Variants in SENP7 observed in about 807,000 individuals in gnomAD.
The protein encoded by SENP7 is SUMO specific peptidase 7.
Under a neutral mutation model 141.2 loss-of-function variants are expected in SENP7, and 64 were observed. That is an observed-to-expected ratio of 0.45 (90% CI 0.37 to 0.56). The LOEUF (loss-of-function observed/expected upper bound fraction) is 0.56. SENP7 is among the 20% of genes least tolerant of loss of function. SENP7 has a pLI of 0.00. For missense variants in SENP7, 1,025 were observed against 1,212.2 expected (o/e 0.85, Z 2.29); for synonymous variants, 382 against 426.4 (o/e 0.90, Z 1.28).
Position 101,332,776 on chromosome 3 carries a change from T to A in SENP7, c.2567A>T (p.Asn856Ile), listed in dbSNP as rs975743576. ...FNKDYIFVPV[N>I]ESSHWYLAVI... ...AATAATCTGAAATACTTACGACTCA[T>A]TTACAGGTACAAAGATGTAATCTTT... The change falls in exon 18 of 24, where the codon AAT becomes ATT. Residue 856 changes from asparagine (N) to isoleucine (I), a missense_variant. Around this residue, in one of 4 missense-constraint regions of SENP7, gnomAD observed 295 missense variants for 459.1 expected, o/e 0.64. Transcript: ENST00000394095. 3 of 1,513,382 alleles carry A rather than the reference T, an allele frequency of 2.0e-6. No individual in the cohort carries two copies. Among genetic ancestry groups the A allele is most frequent in the Non-Finnish European group, 2.6e-6 (3 of 1,138,646 alleles). 93.7% of individuals were successfully genotyped at this position (1,513,382 alleles called of 1,614,324 possible). A position where few individuals can be genotyped will look rare whatever the true frequency, so the allele number is the denominator to read the frequency against.
chr3:101,479,921 A>AAACACACAC (rs1559888934), intron 3 of SENP7, among the ~76,000 whole-genome samples: 3 of 72,568 alleles, frequency 4.1e-5, no homozygotes, highest in Non-Finnish European at 5.2e-5. Context: ...AAAAAAAAAA[A>AAACACACAC]ACACACACAC....
chr3:101,474,717 T>C (rs1576464591), intron 3 of SENP7, among the ~76,000 whole-genome samples: 1 of 152,152 alleles, frequency 6.6e-6, no homozygotes, highest in African/African-American at 2.4e-5. Flanking sequence ...AATACTATGT[T>C]GAATAAGAGT....
At chr3:101,411,456 C>T (rs1465718650) in intron 5 of SENP7, among the ~76,000 whole-genome samples, 1 of 152,216 alleles carries the variant, frequency 6.6e-6, no homozygotes, top group Non-Finnish European at 1.5e-5. Flanking sequence ...CACACAGCCA[C>T]AGCCCAAACA....
chr3:101,416,344 A>G (rs1463609079), intron 5 of SENP7, among the ~76,000 whole-genome samples: 1 of 152,248 alleles, frequency 6.6e-6, no homozygotes, highest in East Asian at 1.9e-4. Flanking sequence ...GGACTACCAC[A>G]CTGTTCTGAT....
intron 7 of SENP7, among the ~76,000 whole-genome samples, chr3:101,368,831 G>A (rs2060107664): frequency 6.6e-6 from 1 of 152,080 alleles, no homozygotes; most frequent in African/African-American, 2.4e-5. Flanking sequence ...CTTTTAAAAT[G>A]TAATTTACAT....
chr3:101,412,374 T>C (rs2061480289), intron 5 of SENP7, among the ~76,000 whole-genome samples: 1 of 152,082 alleles, frequency 6.6e-6, no homozygotes, highest in African/African-American at 2.4e-5. Context: ...AATCTTTGAG[T>C]AACTTTATTA....
At chr3:101,433,188 G>A (rs145536845) in intron 4 of SENP7, among the ~76,000 whole-genome samples, 384 of 151,570 alleles carry the variant, frequency 2.5e-3, no homozygotes, top group African/African-American at 9.0e-3. Flanking sequence ...TGTTGTTATC[G>A]GGTTAACATA....
At chr3:101,462,454 T>C (rs1415213837) in intron 3 of SENP7, among the ~76,000 whole-genome samples, 1 of 150,878 alleles carries the variant, frequency 6.6e-6, no homozygotes, top group Admixed American at 6.6e-5. Flanking sequence ...GGCAGAAGAA[T>C]CACTTGAACC....
intron 4 of SENP7, among the ~76,000 whole-genome samples, chr3:101,421,068 G>A (rs1420302648): frequency 6.6e-6 from 1 of 152,044 alleles, no homozygotes; most frequent in Non-Finnish European, 1.5e-5. Flanking sequence ...AGCAGATGAT[G>A]ATATGAAATT....
intron 11 of SENP7, among the ~76,000 whole-genome samples, chr3:101,354,603 T>C (rs9809589): frequency 0.18 from 27,597 of 152,016 alleles, 2,999 homozygotes; most frequent in Admixed American, 0.35. Flanking sequence ...TTTTCCTAGC[T>C]GCATAGTACT....
intron 2 of SENP7, among the ~76,000 whole-genome samples, chr3:101,494,837 A>T (rs2065101856): frequency 6.6e-6 from 1 of 152,320 alleles, no homozygotes; most frequent in South Asian, 2.1e-4. Context: ...AAAACTATAA[A>T]AACCCTACAA....
Position 101,343,939 on chromosome 3 carries a change from A to C in SENP7, c.1853T>G (p.Phe618Cys). The change falls in exon 14 of 24, where the codon TTC becomes TGC. Residue 618 changes from phenylalanine to cysteine, a missense_variant. This residue lies in a region of SENP7 where 228 missense variants were observed against 228.5 expected (regional missense o/e 1.00). Transcript: ENST00000394095. ...AGGATTGTGTAGTTCAAGGAAAATG[A>C]ATTCACTAGATTTTGCTACAAAAGG... ...VLSQQSKSSE[F>C]IFLELHNPVS... 3 of 1,577,204 alleles carry C rather than the reference A, an allele frequency of 1.9e-6. No homozygotes were observed. Among genetic ancestry groups the C allele is most frequent in the Non-Finnish European group, 2.6e-6 (3 of 1,162,020 alleles).
rs973845594 is a variant in SENP7 at position 101,434,349 on chromosome 3, ACTAT to A, written c.285-16563_285-16560del. Among the ~76,000 whole-genome samples, 39 of 152,130 alleles carry A rather than the reference ACTAT, an allele frequency of 2.6e-4. 1 individual carries two copies. In the South Asian group the frequency reaches 4.1e-3, roughly 16 times the overall value. On this transcript the variant is annotated intron_variant, in intron 4 of 23. Coordinates refer to ENST00000394095, the MANE Select transcript of SENP7 (RefSeq NM_020654.5). ...AAAAAAAGAAAAAAACTTCAAATAA[ACTAT>A]CTAATGATGCATCTTAAAAAACTAA...
At chr3:101,357,859 C>T (rs1319899115) in intron 11 of SENP7, 2 of 556,082 alleles carry the variant, frequency 3.6e-6, no homozygotes, top group Non-Finnish European at 6.7e-6. Flanking sequence ...TGTGAAGAAT[C>T]TGGCAAAGCC....
chr3:101,373,149 C>T (rs1175725397), intron 6 of SENP7, among the ~76,000 whole-genome samples: 1 of 151,960 alleles, frequency 6.6e-6, no homozygotes, highest in Non-Finnish European at 1.5e-5. Flanking sequence ...AGGGTTATTG[C>T]TGCTATTACA....
At chr3:101,432,441 A>C (rs2062217574) in intron 4 of SENP7, among the ~76,000 whole-genome samples, 1 of 152,176 alleles carries the variant, frequency 6.6e-6, no homozygotes, top group African/African-American at 2.4e-5. Flanking sequence ...CCCTTAAGCA[A>C]ACATAGGCAG....
intron 14 of SENP7, 94 bp from the exon 15 acceptor site, chr3:101,341,873 A>T: frequency 8.1e-7 from 1 of 1,234,174 alleles, no homozygotes; most frequent in East Asian, 2.6e-5. Context: ...ATGTGACTTT[A>T]AAAATCCCTA....
At chr3:101,384,345 G>A (rs1020747803) in intron 6 of SENP7, among the ~76,000 whole-genome samples, 1 of 152,244 alleles carries the variant, frequency 6.6e-6, no homozygotes, top group Non-Finnish European at 1.5e-5. Flanking sequence ...GCCACGTTGC[G>A]GGTGACTAGA....
intron 1 of SENP7, among the ~76,000 whole-genome samples, chr3:101,504,724 T>A (rs2065525813): frequency 2.0e-5 from 3 of 152,184 alleles, no homozygotes. Flanking sequence ...GAGACCTTCA[T>A]CTTCAGTGAA....
Sources: gnomAD v4.1 joint callset for allele counts (sites outside exome capture counted in the v4.1 genomes callset) on GRCh38, gnomAD v4.1.1 for gene constraint, gnomAD v4.1.1 regional missense constraint, MANE v1.5 for transcripts, NCBI Gene and HGNC (gene_info 2026-07-23, HGNC 2026-07-21) for gene names.